TMEM132B: variants seen among roughly 807,000 people sequenced by gnomAD.
TMEM132B encodes the protein transmembrane protein 132B.
In TMEM132B, 18 loss-of-function variants were observed where a neutral mutation model predicts 90.8. That is an observed-to-expected ratio of 0.20 (90% CI 0.14 to 0.29). The LOEUF (loss-of-function observed/expected upper bound fraction) is 0.29, where lower values mean the gene tolerates loss of function less well. TMEM132B is among the 10% of genes least tolerant of loss of function. The pLI, the probability that TMEM132B is intolerant of heterozygous loss-of-function variation, is 1.00. For synonymous variants in TMEM132B, 504 were observed against 523.3 expected (o/e 0.96, Z 0.50); for missense variants, 1,096 against 1,326.8 (o/e 0.83, Z 2.70).
At chr12:125,272,858 G>A (rs796709472) in intron 1 of TMEM132B, among the ~76,000 whole-genome samples, 10 of 152,302 alleles carry the variant, frequency 6.6e-5, no homozygotes, top group African/African-American at 2.2e-4. Context: ...AGTGTTCTGC[G>A]CAGAGCATGG....
intron 5 of TMEM132B, among the ~76,000 whole-genome samples, chr12:125,638,061 A>G (rs1003591843): frequency 2.0e-5 from 3 of 152,296 alleles, no homozygotes; most frequent in East Asian, 1.9e-4. Flanking sequence ...GCCTTTCCCA[A>G]TCGGCCTGTG....
intron 4 of TMEM132B, among the ~76,000 whole-genome samples, chr12:125,555,930 A>G (rs754694755): frequency 3.3e-5 from 5 of 151,940 alleles, no homozygotes; most frequent in Non-Finnish European, 7.4e-5. Flanking sequence ...GCTGTCATGC[A>G]ACTTTGAAAA....
At chr12:125,548,201 T>A (rs991812532) in intron 4 of TMEM132B, among the ~76,000 whole-genome samples, 1 of 152,116 alleles carries the variant, frequency 6.6e-6, no homozygotes, top group African/African-American at 2.4e-5. Context: ...GGCAATTGAG[T>A]GCTCTGGGCT....
At chr12:125,339,772 A>G (rs1244918099) in intron 1 of TMEM132B, among the ~76,000 whole-genome samples, 2 of 152,184 alleles carry the variant, frequency 1.3e-5, no homozygotes, top group Non-Finnish European at 2.9e-5. Flanking sequence ...AGCTAGCTAC[A>G]GCGTGGGATA....
chr12:125,629,711 T>C lies in TMEM132B; in HGVS notation c.1438-14365T>C, dbSNP rs577361996. Reference sequence around the variant, plus strand: ...GTGGTAAAAGTGGGCATCCCTGTCATGTTCCACATCTCAGAGGAAGGGCTT... The same window carrying C: ...GTGGTAAAAGTGGGCATCCCTGTCACGTTCCACATCTCAGAGGAAGGGCTT... On this transcript the variant is annotated intron_variant, in intron 5 of 8. Coordinates refer to ENST00000682704, the MANE Select transcript of TMEM132B (RefSeq NM_001366854.1). 1.4e-4 allele frequency among the ~76,000 whole-genome samples: 21 copies of C among 152,306 alleles called. No individual in the cohort carries two copies. In the East Asian group the frequency reaches 3.9e-3, roughly 28 times the overall value.
At chr12:125,439,396 CTG>C (rs1216631622) in intron 3 of TMEM132B, among the ~76,000 whole-genome samples, 1 of 152,016 alleles carries the variant, frequency 6.6e-6, no homozygotes, top group African/African-American at 2.4e-5. Flanking sequence ...CCATAGTTAG[CTG>C]TATTCTTAGG....
Position 125,370,848 on chromosome 12 carries a change from A to G in TMEM132B, c.959+20505A>G, listed in dbSNP as rs375226261. Among the ~76,000 whole-genome samples the G allele has an allele frequency of 2.8e-4, 42 of 152,392 alleles. 1 individual carries two copies. The South Asian group carries it at 8.5e-3, about 31-fold the overall frequency. On this transcript the variant is annotated intron_variant, in intron 2 of 8. Coordinates refer to ENST00000682704, the MANE Select transcript of TMEM132B (RefSeq NM_001366854.1). Reference sequence around the variant, plus strand: ...TGTTCCAATGTTTGACTGGTGTATTAGGGTTCTCTAGAGGGACAGAACTAA... The same window carrying G: ...TGTTCCAATGTTTGACTGGTGTATTGGGGTTCTCTAGAGGGACAGAACTAA...
At chr12:125,522,519 T>C (rs1299911206) in intron 4 of TMEM132B, among the ~76,000 whole-genome samples, 1 of 151,970 alleles carries the variant, frequency 6.6e-6, no homozygotes, top group Non-Finnish European at 1.5e-5. Context: ...TCTTGAGAGG[T>C]TATGGTCACA....
intron 3 of TMEM132B, among the ~76,000 whole-genome samples, chr12:125,511,500 G>C (rs961098929): frequency 6.6e-6 from 1 of 151,550 alleles, no homozygotes; most frequent in Non-Finnish European, 1.5e-5. Flanking sequence ...TCAGTTCTTA[G>C]TCTGCTTGGT....
chr12:125,201,124 G>T, intron 1 of TMEM132B, among the ~76,000 whole-genome samples: 1 of 152,048 alleles, frequency 6.6e-6, no homozygotes, highest in Non-Finnish European at 1.5e-5. Flanking sequence ...GCCCAGTTAA[G>T]TGTTTCTCTC....
rs138507406 is a variant in TMEM132B at position 125,366,916 on chromosome 12, A to C, written c.959+16573A>C. 2.5e-3 allele frequency among the ~76,000 whole-genome samples: 374 copies of C among 152,186 alleles called. 3 individuals are homozygous for C. The highest frequency in any genetic ancestry group is 8.8e-3 in the African/African-American group (366 of 41,544). ...ATTCCATTGATTTATCTTCAAATTCATTGATTCTTTCTCCTGTCATCTTTA... is the reference window on the plus strand; with the variant it reads ...ATTCCATTGATTTATCTTCAAATTCCTTGATTCTTTCTCCTGTCATCTTTA... On this transcript the variant is annotated intron_variant, in intron 2 of 8. Coordinates refer to ENST00000682704, the MANE Select transcript of TMEM132B (RefSeq NM_001366854.1).
chr12:125,638,288 G>A (rs11608777), intron 5 of TMEM132B, among the ~76,000 whole-genome samples: 15,471 of 152,166 alleles, frequency 0.1, 1,061 homozygotes, highest in South Asian at 0.2. Context: ...AGAGGTTAAC[G>A]GGTATAATTC....
intron 1 of TMEM132B, among the ~76,000 whole-genome samples, chr12:125,252,127 T>C (rs1016659484): frequency 2.0e-5 from 3 of 151,852 alleles, no homozygotes; most frequent in African/African-American, 7.3e-5. Flanking sequence ...CCAGCAAGAG[T>C]TGTAAGAAAT....
intron 3 of TMEM132B, among the ~76,000 whole-genome samples, chr12:125,428,683 T>C (rs1343401416): frequency 6.6e-6 from 1 of 152,220 alleles, no homozygotes; most frequent in Non-Finnish European, 1.5e-5. Flanking sequence ...CACCATGCCT[T>C]TAAATCTAGA....
intron 4 of TMEM132B, among the ~76,000 whole-genome samples, chr12:125,548,847 C>T (rs945355532): frequency 1.3e-5 from 2 of 152,082 alleles, no homozygotes; most frequent in Non-Finnish European, 2.9e-5. Context: ...AGGCAAGACA[C>T]GATGGTGGCT....
At chr12:125,313,475 TTCCCTTCC>T (rs1205396540) in intron 1 of TMEM132B, among the ~76,000 whole-genome samples, 2 of 150,484 alleles carry the variant, frequency 1.3e-5, no homozygotes, top group East Asian at 2.0e-4. Flanking sequence ...TCTTCCTTTT[TTCCCTTCC>T]TCCCTTCCTC....
intron 3 of TMEM132B, among the ~76,000 whole-genome samples, chr12:125,495,074 C>T (rs1420375634): frequency 1.8e-5 from 2 of 112,498 alleles, no homozygotes. Flanking sequence ...CGCGTCCCTC[C>T]TCCCCCTCCT....
At chr12:125,566,835 C>CTTAT (rs1463169929) in intron 4 of TMEM132B, among the ~76,000 whole-genome samples, 2 of 78,744 alleles carry the variant, frequency 2.5e-5, no homozygotes, top group South Asian at 9.4e-4. Context: ...TCTTCTTCTT[C>CTTAT]TTTTTTTTTT....
chr12:125,191,946 G>A (rs201297840), intron 1 of TMEM132B, among the ~76,000 whole-genome samples: 1 of 152,178 alleles, frequency 6.6e-6, no homozygotes, highest in African/African-American at 2.4e-5. Flanking sequence ...AAATAACAAT[G>A]GTGTGCTGAT....
Sources: gnomAD v4.1 joint callset for allele counts (sites outside exome capture counted in the v4.1 genomes callset) on GRCh38, gnomAD v4.1.1 for gene constraint, MANE v1.5 for transcripts, NCBI Gene and HGNC (gene_info 2026-07-23, HGNC 2026-07-21) for gene names.